Variants in F8 observed in about 807,000 individuals in gnomAD.
F8 encodes the protein antihemophilic factor.
Under a neutral mutation model 140.6 loss-of-function variants are expected in F8, and 12 were observed. The ratio of observed to expected loss-of-function variants is 0.09; its 90% CI spans 0.05 to 0.14. The LOEUF (loss-of-function observed/expected upper bound fraction) is 0.14. Among genes scored for constraint, F8 ranks in the 10% least tolerant of loss-of-function variants. F8 has a pLI of 1.00. For synonymous variants in F8, 585 were observed against 614.6 expected (o/e 0.95, Z 0.71); for missense variants, 1,354 against 1,720.7 (o/e 0.79, Z 3.77).
intron 14 of F8, among the ~76,000 whole-genome samples, chrX:154,921,982 A>G (rs1457830668): frequency 1.8e-5 from 2 of 111,624 alleles, no homozygotes; most frequent in Non-Finnish European, 3.8e-5. Flanking sequence ...TACATATGTA[A>G]CAAACCTGCA....
At chrX:154,864,089 G>A (rs5987054) in intron 22 of F8, among the ~76,000 whole-genome samples, 1,405 of 112,446 alleles carry the variant, frequency 0.012, 24 homozygotes, top group African/African-American at 0.043. Flanking sequence ...ACCTGACTGT[G>A]GACTCAGAAG....
chrX:154,880,500 C>G (rs1194175650), intron 22 of F8, among the ~76,000 whole-genome samples: 3 of 112,010 alleles, frequency 2.7e-5, no homozygotes, highest in African/African-American at 9.7e-5. Context: ...ACAATTAACT[C>G]TCCTAGCCCA....
At position 154,961,129 on chromosome X, in the gene F8, A is replaced by G; in HGVS notation, c.1483T>C (p.Tyr495His). The change falls in exon 10 of 26, where the codon TAC becomes CAC. Residue 495 changes from tyrosine (Y) to histidine (H), a missense_variant. This residue lies in a region of F8 where 252 missense variants were observed against 338.5 expected (regional missense o/e 0.74). Transcript: ENST00000360256. Reference protein sequence around the residue: ...KNQASRPYNIYPHGITDVRPL... With the variant: ...KNQASRPYNIHPHGITDVRPL... ...CGGACATCAGTGATTCCGTGAGGGT[A>G]GATGTTATATGGTCTGCTTGCTTGA... The G allele has an allele frequency of 8.3e-7, 1 of 1,201,411 alleles. No individual in the cohort carries two copies. The highest frequency in any genetic ancestry group is 1.1e-6 in the Non-Finnish European group (1 of 886,433).
chrX:154,972,959 T>C (rs1411193136), intron 6 of F8, among the ~76,000 whole-genome samples: 1 of 111,105 alleles, frequency 9.0e-6, no homozygotes, highest in Non-Finnish European at 1.9e-5. Context: ...GTGATCTGCC[T>C]GCCTTGGCCT....
At chrX:154,962,286 G>T (rs782328497) in intron 9 of F8, among the ~76,000 whole-genome samples, 3 of 112,040 alleles carry the variant, frequency 2.7e-5, no homozygotes, top group Non-Finnish European at 5.6e-5. Context: ...AGGGCTGACA[G>T]TACTTAGGTT....
rs782575982 is a variant in F8, at chrX:154,929,884, T to G, written c.3906A>C (p.Gln1302His). The G allele has an allele frequency of 5.3e-5, 64 of 1,209,750 alleles. No individual in the cohort carries two copies. The highest frequency in any genetic ancestry group is 7.0e-5 in the Non-Finnish European group (63 of 894,817). ...EEENLEGLGN[Q>H]TKQIVEKYAC... ...CATATTTCTCTACAATTTGCTTGGT[T>G]TGATTTCCCAAGCCTTCCAAGTTTT... Residue 1302 changes from glutamine to histidine, a missense_variant, in exon 14 of 26, where the codon CAA becomes CAC. Transcript: ENST00000360256.
At chrX:154,854,879 C>T (rs187219109) in intron 25 of F8, among the ~76,000 whole-genome samples, 1 of 111,631 alleles carries the variant, frequency 9.0e-6, no homozygotes, top group Non-Finnish European at 1.9e-5. Context: ...CGCCTGTAAT[C>T]CCAGCACTTT....
intron 14 of F8, among the ~76,000 whole-genome samples, chrX:154,919,323 T>G (rs1467911772): frequency 8.9e-6 from 1 of 112,515 alleles, no homozygotes; most frequent in South Asian, 3.7e-4. Context: ...GTCTCAAGTA[T>G]AACATTAGAA....
At chrX:154,842,630 T>C (rs896815776) in intron 25 of F8, among the ~76,000 whole-genome samples, 1 of 112,159 alleles carries the variant, frequency 8.9e-6, no homozygotes, top group Non-Finnish European at 1.9e-5. Context: ...GAAGATTTTA[T>C]AGTTATCTTT....
At chrX:154,881,373 C>T (rs1266119083) in intron 22 of F8, among the ~76,000 whole-genome samples, 2 of 89,453 alleles carry the variant, frequency 2.2e-5, no homozygotes, top group Admixed American at 1.2e-4. Flanking sequence ...CTCCTCCCAC[C>T]GGTGCCTTGG....
Position 154,930,388 on chromosome X carries a change from C to A in F8, c.3402G>T (p.Lys1134Asn), listed in dbSNP as rs897316401. ...GGCCTTGCCCAGAGTTCAGAGAGTT[C>A]TTTCCATGAGTCCTTTGTATCCACC... The part of the protein sequence containing the change: ...SARWIQRTHG[K>N]NSLNSGQGPS... The change falls in exon 14 of 26, where the codon AAG becomes AAT. Residue 1134 changes from lysine (K) to asparagine (N), a missense_variant. By Grantham distance (94) the Lys-to-Asn change is moderately conservative (BLOSUM62 0). Coordinates refer to ENST00000360256, the MANE Select transcript of F8 (RefSeq NM_000132.4). 7.4e-6 allele frequency: 9 copies of A among 1,210,759 alleles called. No homozygotes were observed. Among genetic ancestry groups the A allele is most frequent in the Non-Finnish European group, 1.0e-5 (9 of 894,737 alleles).
intron 9 of F8, 91 bp from the exon 10 acceptor site, chrX:154,961,259 C>T: frequency 1.8e-6 from 1 of 563,550 alleles, no homozygotes. Context: ...ATAAAAGTGG[C>T]CTCTATCTAC....
intron 25 of F8, among the ~76,000 whole-genome samples, chrX:154,843,627 CT>C (rs1481408699): frequency 2.6e-4 from 29 of 112,282 alleles, no homozygotes; most frequent in African/African-American, 9.4e-4. Flanking sequence ...CCTTCACCCA[CT>C]TTTTGATGGG....
At chrX:154,921,293 G>T (rs2073128916) in intron 14 of F8, among the ~76,000 whole-genome samples, 1 of 111,620 alleles carries the variant, frequency 9.0e-6, no homozygotes, top group Admixed American at 9.5e-5. Context: ...CATCATCACT[G>T]GCCATCAGAG....
In F8 at chrX:154,906,632, C is replaced by T. The variant is rs2073040024; in HGVS notation, c.5220-59G>A. On this transcript the variant is annotated intron_variant, in intron 14 of 25. Coordinates refer to ENST00000360256, the MANE Select transcript of F8 (RefSeq NM_000132.4). ...TTATGTACCAAGTGGGTAGAAATGCCTCACATCCTCATTTTCCTAGGTGCC... is the reference window on the plus strand; with the variant it reads ...TTATGTACCAAGTGGGTAGAAATGCTTCACATCCTCATTTTCCTAGGTGCC... 3.7e-6 allele frequency: 4 copies of T among 1,072,534 alleles called. No homozygotes were observed. The Admixed American group carries it at 6.7e-5, about 18-fold the overall frequency. 88.4% of individuals were successfully genotyped at this position (1,072,534 alleles called of 1,213,427 possible).
At chrX:155,013,128 A>G (rs2073716667) in intron 1 of F8, among the ~76,000 whole-genome samples, 1 of 91,604 alleles carries the variant, frequency 1.1e-5, no homozygotes, top group Admixed American at 1.2e-4. Context: ...CCTGGGTGAC[A>G]GAGCGAGACT....
chrX:154,870,187 C>T (rs1188796428), intron 22 of F8, among the ~76,000 whole-genome samples: 1 of 112,281 alleles, frequency 8.9e-6, no homozygotes, highest in African/African-American at 3.2e-5. Context: ...TCCTCCCTAA[C>T]TCATTTTATG....
intron 4 of F8, among the ~76,000 whole-genome samples, chrX:154,989,445 C>A (rs2073575961): frequency 9.0e-6 from 1 of 111,444 alleles, no homozygotes; most frequent in African/African-American, 3.3e-5. Flanking sequence ...TACCAAGCAG[C>A]AAAACTGCCA....
chrX:154,859,799 C>T (rs959734369), intron 25 of F8, among the ~76,000 whole-genome samples: 19 of 111,061 alleles, frequency 1.7e-4, no homozygotes, highest in African/African-American at 5.2e-4. Flanking sequence ...TGAGACTTAA[C>T]GAATGAGTCA....
Sources: allele counts gnomAD v4.1 joint callset (sites outside exome capture counted in the v4.1 genomes callset), GRCh38; gene constraint gnomAD v4.1.1; regional missense constraint gnomAD v4.1.1; transcripts MANE v1.5; gene names NCBI Gene and HGNC (gene_info 2026-07-23, HGNC 2026-07-21).